Variants in PDE3B observed in about 807,000 individuals in gnomAD.
The protein encoded by PDE3B is cGMP-inhibited 3',5'-cyclic phosphodiesterase 3B.
Under a neutral mutation model 116.8 loss-of-function variants are expected in PDE3B, and 66 were observed. The ratio of observed to expected loss-of-function variants is 0.56; its 90% CI spans 0.46 to 0.69. The LOEUF (loss-of-function observed/expected upper bound fraction) is 0.69, where lower values mean the gene tolerates loss of function less well. Among genes scored for constraint, PDE3B ranks in the 30% least tolerant of loss-of-function variants. PDE3B has a pLI of 0.00. For synonymous variants in PDE3B, 595 were observed against 533.6 expected, an observed-to-expected ratio of 1.12 and a Z score of -1.59; for missense variants, 1,384 against 1,368.1, an observed-to-expected ratio of 1.01 and a Z score of -0.18.
chr11:14,695,985 G>A (rs1391627132), intron 1 of PDE3B, among the ~76,000 whole-genome samples: 1 of 152,020 alleles, frequency 6.6e-6, no homozygotes, highest in Admixed American at 6.6e-5. Context: ...ATGTGTGCAT[G>A]TATAATATAC....
chr11:14,687,777 C>T (rs1252939639), intron 1 of PDE3B, among the ~76,000 whole-genome samples: 16 of 152,134 alleles, frequency 1.1e-4, no homozygotes, highest in Admixed American at 8.5e-4. Context: ...ATATGGATGA[C>T]ATACAGTTCT....
At chr11:14,664,841 A>C (rs1348360511) in intron 1 of PDE3B, among the ~76,000 whole-genome samples, 1 of 152,238 alleles carries the variant, frequency 6.6e-6, no homozygotes, top group Non-Finnish European at 1.5e-5. Context: ...CAGAGGTACA[A>C]GGAGGAGCTG....
At chr11:14,685,540 C>G (rs755788372) in intron 1 of PDE3B, among the ~76,000 whole-genome samples, 3 of 147,566 alleles carry the variant, frequency 2.0e-5, no homozygotes, top group Non-Finnish European at 4.5e-5. Flanking sequence ...CCTGAAACCT[C>G]CATCTCCTGG....
chr11:14,674,142 G>T (rs1854459403), intron 1 of PDE3B: 1 of 1,425,816 alleles, frequency 7.0e-7, no homozygotes, highest in Non-Finnish European at 9.9e-7. Flanking sequence ...GATCTACCCG[G>T]GTCCTTTTCT....
At chr11:14,661,441 G>A (rs1164012021) in intron 1 of PDE3B, among the ~76,000 whole-genome samples, 1 of 152,234 alleles carries the variant, frequency 6.6e-6, no homozygotes, top group Non-Finnish European at 1.5e-5. Context: ...ACTAGGGAGT[G>A]CCAGACAGTG....
chr11:14,700,155 A>G (rs1855321833), intron 1 of PDE3B, among the ~76,000 whole-genome samples: 4 of 151,736 alleles, frequency 2.6e-5, no homozygotes, highest in Non-Finnish European at 5.9e-5. Context: ...GCCATTGTAT[A>G]GGCTTAATTG....
chr11:14,833,387 T>A (rs1859959180), intron 10 of PDE3B, among the ~76,000 whole-genome samples: 1 of 152,250 alleles, frequency 6.6e-6, no homozygotes, highest in African/African-American at 2.4e-5. Context: ...TACATAAATT[T>A]ATTTTTTGTA....
chr11:14,861,783 G>C (rs1239589177), intron 14 of PDE3B, among the ~76,000 whole-genome samples: 1 of 152,170 alleles, frequency 6.6e-6, no homozygotes, highest in Admixed American at 6.5e-5. Flanking sequence ...AGGAAGTAAA[G>C]TACACTTGGA....
the PDE3B span, chr11:14,891,948 G>T: frequency 1.2e-6 from 2 of 1,605,058 alleles, no homozygotes; most frequent in Admixed American, 1.7e-5. Context: ...CAGCCTGGCG[G>T]CCCTCCCTGC....
chr11:14,698,658 CTCTT>C (rs1260207739), intron 1 of PDE3B, among the ~76,000 whole-genome samples: 4 of 151,912 alleles, frequency 2.6e-5, no homozygotes, highest in East Asian at 3.9e-4. Flanking sequence ...GTGTTTTCTT[CTCTT>C]TCTATTGGCT....
intron 4 of PDE3B, among the ~76,000 whole-genome samples, chr11:14,803,668 C>T (rs1858836810): frequency 6.6e-6 from 1 of 152,160 alleles, no homozygotes. Context: ...TTTATTGAAA[C>T]AAAACCATAC....
At chr11:14,724,678 G>T (rs1287992232) in intron 1 of PDE3B, among the ~76,000 whole-genome samples, 4 of 152,160 alleles carry the variant, frequency 2.6e-5, no homozygotes, top group Admixed American at 2.6e-4. Context: ...CAGAACTCCA[G>T]GCCAGAGATA....
At chr11:14,892,259 C>T in the PDE3B span, 1 of 1,532,788 alleles carries the variant, frequency 6.5e-7, no homozygotes, top group South Asian at 1.2e-5. Flanking sequence ...CAGGCACTCC[C>T]TCCAGCCCTG....
At chr11:14,711,435 T>C (rs182790637) in intron 1 of PDE3B, among the ~76,000 whole-genome samples, 3 of 152,236 alleles carry the variant, frequency 2.0e-5, no homozygotes, top group Admixed American at 2.0e-4. Flanking sequence ...GAAAAGAAGT[T>C]TAATTGGCTT....
At chr11:14,687,396 A>G (rs1854908261) in intron 1 of PDE3B, among the ~76,000 whole-genome samples, 1 of 152,196 alleles carries the variant, frequency 6.6e-6, no homozygotes, top group Non-Finnish European at 1.5e-5. Context: ...GCTTTTTTCT[A>G]AAGTATATAT....
At chr11:14,729,111 G>A (rs1398703816) in intron 1 of PDE3B, among the ~76,000 whole-genome samples, 3 of 152,222 alleles carry the variant, frequency 2.0e-5, no homozygotes, top group Admixed American at 1.3e-4. Context: ...AGTAAATTGG[G>A]CAAGATCAAA....
the PDE3B span, among the ~76,000 whole-genome samples, chr11:14,883,221 G>T: frequency 1.3e-5 from 2 of 151,256 alleles, no homozygotes; most frequent in Non-Finnish European, 3.0e-5. Flanking sequence ...AGCCTGCATC[G>T]CCAAGTCAAT....
intron 4 of PDE3B, 41 bp from the exon 5 acceptor site, chr11:14,803,903 C>A (rs1364649577): frequency 9.0e-7 from 1 of 1,113,024 alleles, no homozygotes; most frequent in Non-Finnish European, 1.4e-6. Flanking sequence ...TGAAACTTTT[C>A]CTGTTTTTAA....
intron 1 of PDE3B, among the ~76,000 whole-genome samples, chr11:14,713,709 C>T (rs1348467205): frequency 1.3e-5 from 2 of 151,934 alleles, no homozygotes; most frequent in Non-Finnish European, 2.9e-5. Flanking sequence ...CACACACACA[C>T]ACACACACAC....
Sources: gnomAD v4.1 joint callset for allele counts (sites outside exome capture counted in the v4.1 genomes callset) on GRCh38, gnomAD v4.1.1 for gene constraint, MANE v1.5 for transcripts, NCBI Gene and HGNC (gene_info 2026-07-23, HGNC 2026-07-21) for gene names.